Variants in KPNA5 observed in about 807,000 individuals in gnomAD.
The protein encoded by KPNA5 is importin subunit alpha-6.
A neutral mutation model predicts 71.3 loss-of-function variants in KPNA5; 46 were observed. The observed-to-expected ratio is 0.65, with a 90% CI of 0.51 to 0.83. The LOEUF (loss-of-function observed/expected upper bound fraction) is 0.83. Among genes scored for constraint, KPNA5 ranks in the 40% least tolerant of loss-of-function variants. The pLI is 0.00. For missense variants in KPNA5, 547 were observed against 628.3 expected, an observed-to-expected ratio of 0.87 and a Z score of 1.38; for synonymous variants, 207 against 201.4, an observed-to-expected ratio of 1.03 and a Z score of -0.24.
chr6:116,691,401 G>A (rs1287350684), intron 2 of KPNA5, among the ~76,000 whole-genome samples: 1 of 152,100 alleles, frequency 6.6e-6, no homozygotes, highest in Non-Finnish European at 1.5e-5. Context: ...CCAGAGGCAC[G>A]TGCTGCCATG....
intron 1 of KPNA5, among the ~76,000 whole-genome samples, chr6:116,688,196 C>T (rs1478846700): frequency 1.3e-5 from 2 of 152,186 alleles, no homozygotes; most frequent in Non-Finnish European, 2.9e-5. Flanking sequence ...CATATCTTCA[C>T]TGCTCTCTCA....
At chr6:116,682,986 C>T (rs1276970895) in intron 1 of KPNA5, among the ~76,000 whole-genome samples, 2 of 152,166 alleles carry the variant, frequency 1.3e-5, no homozygotes, top group Non-Finnish European at 2.9e-5. Context: ...GAAAAAGGAA[C>T]AAGTGATATC....
rs371557468 is a variant in KPNA5, at chr6:116,692,048, A to G, written c.139-7A>G. 9.5e-6 allele frequency: 15 copies of G among 1,580,242 alleles called. No homozygotes were observed. Among genetic ancestry groups the G allele is most frequent in the Non-Finnish European group, 1.3e-5 (15 of 1,150,226 alleles). ...TCAATGTGTAAACTGATTTCTCTTT[A>G]TTACAGTTGTTCAAACGCAGAAATG... On this transcript the variant is annotated splice_polypyrimidine_tract_variant and splice_region_variant and intron_variant, in intron 2 of 13. Transcript: ENST00000368564.
chr6:116,705,661 C>T (rs1439235707), intron 7 of KPNA5, among the ~76,000 whole-genome samples: 1 of 151,336 alleles, frequency 6.6e-6, no homozygotes, highest in Non-Finnish European at 1.5e-5. Flanking sequence ...ATGTAAGGTC[C>T]TTTATAGAAA....
Position 116,739,756 on chromosome 6 carries a change from CTA to C in KPNA5, c.*7435_*7436del, listed in dbSNP as rs1444323306. On this transcript the variant is annotated 3_prime_UTR_variant, in exon 14 of 14. Coordinates refer to ENST00000368564, the MANE Select transcript of KPNA5 (RefSeq NM_001366306.2). ...AAACAAGCAATGGGGAAAGGATTCCCTATTTAATAAATGGTGCTGGGAAAACT... is the reference window on the plus strand; with the variant it reads ...AAACAAGCAATGGGGAAAGGATTCCCTTTAATAAATGGTGCTGGGAAAACT... 1.3e-5 allele frequency: 2 copies of C among 151,632 alleles called. No homozygotes were observed. Among genetic ancestry groups the C allele is most frequent in the Non-Finnish European group, 1.5e-5 (1 of 67,836 alleles). The allele number at this position is 151,632 out of a possible 1,614,324, so 9.4% of individuals were successfully genotyped here.
chr6:116,715,289 T>C (rs1187883399), intron 7 of KPNA5, among the ~76,000 whole-genome samples: 1 of 152,144 alleles, frequency 6.6e-6, no homozygotes, highest in East Asian at 1.9e-4. Flanking sequence ...GCTTTTTTTC[T>C]AAGGTAAGGA....
chr6:116,689,258 G>A, intron 1 of KPNA5, 62 bp from the exon 2 acceptor site: 1 of 1,537,472 alleles, frequency 6.5e-7, no homozygotes, highest in Non-Finnish European at 8.8e-7. Flanking sequence ...TAGATTAAGT[G>A]TCTCATGTTG....
intron 1 of KPNA5, among the ~76,000 whole-genome samples, chr6:116,684,563 C>A (rs958843749): frequency 1.2e-4 from 19 of 152,194 alleles, no homozygotes; most frequent in Non-Finnish European, 4.4e-5. Flanking sequence ...CTTTGCAGGA[C>A]TCTTAATTTC....
chr6:116,705,995 C>T (rs1226772968), intron 7 of KPNA5, among the ~76,000 whole-genome samples: 1 of 152,186 alleles, frequency 6.6e-6, no homozygotes, highest in African/African-American at 2.4e-5. Flanking sequence ...CACTGAACTA[C>T]TCACTATAAT....
Position 116,737,120 on chromosome 6 carries a change from G to A in KPNA5, c.*4797G>A, listed in dbSNP as rs1779699111. ...CCCATATTTGTTCTTCTTAACACAA[G>A]TTACTAGGGGAAAAAATGTGATCCT... On this transcript the variant is annotated 3_prime_UTR_variant, in exon 14 of 14. Transcript: ENST00000368564. 1 of 151,874 alleles carries A rather than the reference G, an allele frequency of 6.6e-6. No homozygotes were observed. Among genetic ancestry groups the A allele is most frequent in the Non-Finnish European group, 1.5e-5 (1 of 67,896 alleles). 9.4% of individuals were successfully genotyped at this position (151,874 alleles called of 1,614,324 possible). A position where few individuals can be genotyped will look rare whatever the true frequency, so the allele number is the denominator to read the frequency against.
intron 4 of KPNA5, among the ~76,000 whole-genome samples, chr6:116,698,395 G>A (rs1778106735): frequency 6.6e-6 from 1 of 151,938 alleles, no homozygotes; most frequent in Non-Finnish European, 1.5e-5. Flanking sequence ...GGTATTTTGA[G>A]TTTTAGACAG....
chr6:116,685,216 C>A (rs1046671009), intron 1 of KPNA5, among the ~76,000 whole-genome samples: 1 of 152,114 alleles, frequency 6.6e-6, no homozygotes, highest in Non-Finnish European at 1.5e-5. Context: ...TTGATAGATG[C>A]CAACAATGTG....
chr6:116,704,955 G>GT (rs369745097), intron 6 of KPNA5, 117 bp from the exon 7 acceptor site: 1,293 of 613,522 alleles, frequency 2.1e-3, no homozygotes, highest in South Asian at 2.5e-3. Flanking sequence ...CTTTTCTACT[G>GT]TTTTTTTTTA....
chr6:116,712,275 AT>A (rs1305840218), intron 7 of KPNA5, among the ~76,000 whole-genome samples: 2 of 152,114 alleles, frequency 1.3e-5, no homozygotes, highest in Non-Finnish European at 2.9e-5. Context: ...TTGACTTTTT[AT>A]CAATATATGA....
chr6:116,691,240 A>G (rs2114373880), intron 2 of KPNA5, among the ~76,000 whole-genome samples: 1 of 152,328 alleles, frequency 6.6e-6, no homozygotes, highest in South Asian at 2.1e-4. Flanking sequence ...AAAATAAAAT[A>G]AAGTGAAATA....
intron 4 of KPNA5, among the ~76,000 whole-genome samples, chr6:116,695,101 T>A (rs960295687): frequency 6.6e-6 from 1 of 152,040 alleles, no homozygotes; most frequent in African/African-American, 2.4e-5. Context: ...CAGGCATGCA[T>A]CACCACGCCC....
chr6:116,729,489 C>A, intron 12 of KPNA5, 74 bp from the exon 13 acceptor site: 1 of 928,436 alleles, frequency 1.1e-6, no homozygotes, highest in Non-Finnish European at 1.5e-6. Flanking sequence ...ATTTTTGTGT[C>A]ATTGTTACAA....
chr6:116,689,339 G>A lies in KPNA5; in HGVS notation c.24G>A (p.Gly8=), dbSNP rs200647297. Residue 8 remains glycine, a synonymous_variant, in exon 2 of 14, where the codon GGG becomes GGA. Transcript: ENST00000368564. MDAMASP[G]KDNYRMKSYK... is the part of the protein sequence containing the mutation. ...TTTAAGATGCCATGGCTAGTCCAGG[G>A]AAAGATAACTATAGAATGAAAAGTT... 7 of 1,603,204 alleles carry A rather than the reference G, an allele frequency of 4.4e-6. No homozygotes were observed. The Admixed American group carries it at 8.8e-5, about 20-fold the overall frequency.
At position 116,720,360 on chromosome 6, in the gene KPNA5, T is replaced by C. The variant is rs1439164170; in HGVS notation, c.757-1766T>C. Among the ~76,000 whole-genome samples the C allele has an allele frequency of 2.6e-5, 4 of 152,274 alleles. No homozygotes were observed. In the East Asian group the frequency reaches 5.8e-4, roughly 22 times the overall value. ...TATATATTGTGGGCAGGATTATTAA[T>C]GTCTACTGGCCTTTTCAAAGTTGGA... On this transcript the variant is annotated intron_variant, in intron 8 of 13. Coordinates refer to ENST00000368564, the MANE Select transcript of KPNA5 (RefSeq NM_001366306.2).
Sources: allele counts gnomAD v4.1 joint callset (sites outside exome capture counted in the v4.1 genomes callset), GRCh38; gene constraint gnomAD v4.1.1; transcripts MANE v1.5; gene names NCBI Gene and HGNC (gene_info 2026-07-23, HGNC 2026-07-21).